The following AMBRA1 variants were observed in gnomAD, a reference collection of about 807,000 sequenced individuals.
AMBRA1 encodes autophagy and beclin 1 regulator 1.
Under a neutral mutation model 125.4 loss-of-function variants are expected in AMBRA1, and 47 were observed. That is an observed-to-expected ratio of 0.37 (90% confidence interval 0.30 to 0.48). AMBRA1 has a LOEUF of 0.48. Among genes scored for constraint, AMBRA1 ranks in the 20% least tolerant of loss-of-function variants. The pLI, the probability that AMBRA1 is intolerant of heterozygous loss-of-function variation, is 0.99. For missense variants in AMBRA1, 1,331 were observed against 1,693.4 expected (o/e 0.79, Z 3.76); for synonymous variants, 626 against 655.5 (o/e 0.95, Z 0.69).
intron 11 of AMBRA1, among the ~76,000 whole-genome samples, chr11:46,462,512 G>A (rs79454270): frequency 5.3e-5 from 8 of 152,184 alleles, no homozygotes; most frequent in African/African-American, 1.4e-4. Context: ...AGGTAGACTC[G>A]TTGGTCTTCA....
chr11:46,535,773 TG>T (rs889263235), intron 7 of AMBRA1, among the ~76,000 whole-genome samples: 3 of 152,052 alleles, frequency 2.0e-5, no homozygotes, highest in African/African-American at 7.2e-5. Flanking sequence ...TCAATAGGAA[TG>T]GGGTACCAAA....
chr11:46,428,352 G>A (rs951513625), intron 14 of AMBRA1, among the ~76,000 whole-genome samples: 1 of 152,152 alleles, frequency 6.6e-6, no homozygotes, highest in Admixed American at 6.5e-5. Flanking sequence ...TTAGGTATTG[G>A]AGGCTTTCCC....
At chr11:46,445,730 G>A (rs1430357485) in intron 11 of AMBRA1, among the ~76,000 whole-genome samples, 2 of 152,100 alleles carry the variant, frequency 1.3e-5, no homozygotes, top group Non-Finnish European at 1.5e-5. Context: ...ACCCTCCTTT[G>A]ACCACTAGTC....
intron 7 of AMBRA1, among the ~76,000 whole-genome samples, chr11:46,532,539 C>T (rs943160460): frequency 2.8e-4 from 43 of 152,276 alleles, no homozygotes; most frequent in African/African-American, 7.9e-4. Flanking sequence ...CGGCTTCAAG[C>T]GATTCTCTTG....
chr11:46,497,329 C>T (rs937753989), intron 9 of AMBRA1, among the ~76,000 whole-genome samples: 8 of 152,026 alleles, frequency 5.3e-5, no homozygotes, highest in Admixed American at 1.3e-4. Flanking sequence ...CTCAAATACA[C>T]GCAGTCTCAG....
chr11:46,567,133 C>T (rs2043561110), intron 1 of AMBRA1, among the ~76,000 whole-genome samples: 1 of 151,306 alleles, frequency 6.6e-6, no homozygotes, highest in South Asian at 2.1e-4. Flanking sequence ...GTGCAGTGGT[C>T]CCATCTCGAC....
intron 1 of AMBRA1, among the ~76,000 whole-genome samples, chr11:46,583,707 G>A (rs1340275241): frequency 3.3e-5 from 5 of 149,510 alleles, no homozygotes; most frequent in Non-Finnish European, 7.4e-5. Flanking sequence ...CAAAAAGTGG[G>A]CGAAGGACAT....
At chr11:46,498,311 C>T (rs1950711844) in intron 9 of AMBRA1, among the ~76,000 whole-genome samples, 1 of 152,102 alleles carries the variant, frequency 6.6e-6, no homozygotes, top group Non-Finnish European at 1.5e-5. Context: ...AGGAGGAATA[C>T]TTTTCAGGGA....
chr11:46,491,770 G>C (rs1441393121), intron 11 of AMBRA1, among the ~76,000 whole-genome samples: 1 of 152,138 alleles, frequency 6.6e-6, no homozygotes, highest in Non-Finnish European at 1.5e-5. Context: ...GCTGCCCACT[G>C]CAACACAGCC....
intron 11 of AMBRA1, among the ~76,000 whole-genome samples, chr11:46,457,106 G>T (rs1355878089): frequency 6.6e-6 from 1 of 152,228 alleles, no homozygotes; most frequent in African/African-American, 2.4e-5. Flanking sequence ...ACATTTCAGG[G>T]TACAGCATTA....
chr11:46,477,600 G>T (rs888601825), intron 11 of AMBRA1, among the ~76,000 whole-genome samples: 2 of 152,004 alleles, frequency 1.3e-5, no homozygotes, highest in Non-Finnish European at 2.9e-5. Flanking sequence ...GGCCTACTGT[G>T]CTGGGATTAC....
At chr11:46,517,968 T>C (rs1272836272) in intron 7 of AMBRA1, among the ~76,000 whole-genome samples, 1 of 151,692 alleles carries the variant, frequency 6.6e-6, no homozygotes, top group Non-Finnish European at 1.5e-5. Context: ...ATAAAGCCAA[T>C]GTGGCAAAAT....
chr11:46,486,295 G>T (rs1011084459), intron 11 of AMBRA1, among the ~76,000 whole-genome samples: 1 of 152,168 alleles, frequency 6.6e-6, no homozygotes, highest in African/African-American at 2.4e-5. Flanking sequence ...CCCAACACCA[G>T]AAATATTATT....
At chr11:46,456,250 G>A (rs1948838538) in intron 11 of AMBRA1, among the ~76,000 whole-genome samples, 3 of 152,094 alleles carry the variant, frequency 2.0e-5, no homozygotes, top group Admixed American at 1.3e-4. Flanking sequence ...CAAACATCTA[G>A]CATTCGCTCC....
At chr11:46,588,718 T>G (rs1197058927) in intron 1 of AMBRA1, among the ~76,000 whole-genome samples, 1 of 147,804 alleles carries the variant, frequency 6.8e-6, no homozygotes. Flanking sequence ...GAGGATGCAG[T>G]GAGCCGAGAT....
At chr11:46,470,432 A>T (rs1355811008) in intron 11 of AMBRA1, among the ~76,000 whole-genome samples, 2 of 151,992 alleles carry the variant, frequency 1.3e-5, no homozygotes, top group Non-Finnish European at 2.9e-5. Context: ...TACTAAAAAT[A>T]CAAAAAATTA....
chr11:46,458,030 C>T (rs1948928994), intron 11 of AMBRA1, among the ~76,000 whole-genome samples: 1 of 151,918 alleles, frequency 6.6e-6, no homozygotes, highest in Non-Finnish European at 1.5e-5. Context: ...AATGGAAAAT[C>T]AGGAGCAAAA....
chr11:46,511,042 C>T (rs951020627), intron 8 of AMBRA1, among the ~76,000 whole-genome samples: 2 of 152,162 alleles, frequency 1.3e-5, no homozygotes, highest in Admixed American at 6.5e-5. Context: ...AAGTATGACA[C>T]TTTCCGTGAT....
chr11:46,400,473 GTTTTTTTTTTTTT>G (rs553040136), intron 17 of AMBRA1, among the ~76,000 whole-genome samples: 43 of 48,890 alleles, frequency 8.8e-4, no homozygotes, highest in South Asian at 4.0e-3. Flanking sequence ...TCTTTCTATA[GTTTTTTTTTTTTT>G]TTTTTTTTTT....
Sources: gnomAD v4.1 joint callset for allele counts (sites outside exome capture counted in the v4.1 genomes callset) on GRCh38, gnomAD v4.1.1 for gene constraint, MANE v1.5 for transcripts, NCBI Gene and HGNC (gene_info 2026-07-23, HGNC 2026-07-21) for gene names.